The following MGAM2 variants were observed in gnomAD, a reference collection of about 807,000 sequenced individuals.
The protein encoded by MGAM2 is maltase-glucoamylase 2 (putative), also known as probable maltase-glucoamylase 2.
In MGAM2, 98 loss-of-function variants were observed where a neutral mutation model predicts 96.1. That is an observed-to-expected ratio of 1.02 (90% confidence interval 0.87 to 1.21). MGAM2 has a LOEUF of 1.21. Among genes scored for constraint, MGAM2 ranks in the 50% most tolerant of loss-of-function variants. The pLI is 0.00. For missense variants in MGAM2, 2,055 were observed against 1,182.4 expected, an observed-to-expected ratio of 1.74 and a Z score of -10.82; for synonymous variants, 749 against 414.8, an observed-to-expected ratio of 1.81 and a Z score of -9.79.
chr7:142,177,226 A>G (rs934692747), intron 32 of MGAM2, among the ~76,000 whole-genome samples: 4 of 152,208 alleles, frequency 2.6e-5, no homozygotes, highest in African/African-American at 9.6e-5. Context: ...GGTGAAAGGC[A>G]TGTCTCTCAT....
intron 9 of MGAM2, among the ~76,000 whole-genome samples, chr7:142,138,169 T>C (rs1225747636): frequency 6.6e-6 from 1 of 152,232 alleles, no homozygotes; most frequent in African/African-American, 2.4e-5. Flanking sequence ...ATATTAGGCA[T>C]TTATTTATTT....
At chr7:142,118,115 C>T (rs996260840) in intron 2 of MGAM2, among the ~76,000 whole-genome samples, 3 of 152,138 alleles carry the variant, frequency 2.0e-5, no homozygotes, top group African/African-American at 4.8e-5. Flanking sequence ...ATTTCTGGAA[C>T]TTATTCATCT....
intron 19 of MGAM2, 140 bp downstream of exon 19, chr7:142,158,472 AT>A (rs1795799643): frequency 1.7e-6 from 1 of 581,030 alleles, no homozygotes; most frequent in African/African-American, 1.9e-5. Flanking sequence ...AAGTTTAGAA[AT>A]TTTTTAAAAA....
In MGAM2 at chr7:142,221,983, C is replaced by T; in HGVS notation, c.7472C>T (p.Pro2491Leu). The change falls in exon 48 of 48, where the codon CCT (proline) becomes CTT (leucine). Residue 2491 changes from proline to leucine, a missense_variant. Coordinates refer to ENST00000477922, the MANE Select transcript of MGAM2 (RefSeq NM_001293626.2). ...AAATATGCTTTAAATACTACCACTC[C>T]TGATAGTACAGTACATACCTCTGCT... Reference protein sequence around the residue: ...ITKYALNTTTPDSTVHTSATA... With the variant: ...ITKYALNTTTLDSTVHTSATA... The T allele has an allele frequency of 2.5e-6, 1 of 399,288 alleles. No individual in the cohort carries two copies. Among genetic ancestry groups the T allele is most frequent in the Non-Finnish European group, 4.4e-6 (1 of 226,520 alleles). 24.7% of individuals were successfully genotyped at this position (399,288 alleles called of 1,614,324 possible).
At chr7:142,117,997 C>T (rs564082751) in intron 2 of MGAM2, among the ~76,000 whole-genome samples, 1 of 148,252 alleles carries the variant, frequency 6.7e-6, no homozygotes, top group South Asian at 2.1e-4. Flanking sequence ...GCTTTAAAAT[C>T]AATTTGTTTT....
chr7:142,197,024 C>T (rs1181071419), intron 40 of MGAM2, among the ~76,000 whole-genome samples: 2 of 152,112 alleles, frequency 1.3e-5, no homozygotes, highest in East Asian at 1.9e-4. Context: ...AGAATTACTA[C>T]CCATGAGGAA....
chr7:142,127,310 T>C (rs1794757400), intron 3 of MGAM2, among the ~76,000 whole-genome samples: 1 of 152,208 alleles, frequency 6.6e-6, no homozygotes, highest in African/African-American at 2.4e-5. Flanking sequence ...TGAGTGCTGC[T>C]ATCTGAGTCT....
At chr7:142,204,849 A>G (rs899541759) in intron 45 of MGAM2, among the ~76,000 whole-genome samples, 28 of 152,132 alleles carry the variant, frequency 1.8e-4, no homozygotes, top group African/African-American at 6.0e-4. Flanking sequence ...TAAGGCATCC[A>G]AAAGTCAAAA....
intron 32 of MGAM2, among the ~76,000 whole-genome samples, 199 bp downstream of exon 32, chr7:142,175,979 AG>A (rs1419485482): frequency 6.6e-6 from 1 of 151,950 alleles, no homozygotes; most frequent in Admixed American, 6.6e-5. Context: ...AGAAATGAAA[AG>A]GGGCTTTTAA....
At position 142,198,577 on chromosome 7, in the gene MGAM2, T is replaced by C. The variant is rs115896852; in HGVS notation, c.4924-38T>C. 3.2e-3 allele frequency: 2,252 copies of C among 699,880 alleles called. 39 individuals are homozygous for C. The African/African-American group carries it at 0.035, about 11-fold the overall frequency. The allele number at this position is 699,880 out of a possible 1,614,324, so 43.4% of individuals were successfully genotyped here. A position where few individuals can be genotyped will look rare whatever the true frequency, so the allele number is the denominator to read the frequency against. ...AAAACATGCTCTCATTTAATATATT[T>C]ATCTCTCGCCATTTTTTGCCTGTAT... On this transcript the variant is annotated intron_variant, in intron 43 of 47. Transcript: ENST00000477922.
chr7:142,164,884 A>G lies in MGAM2; in HGVS notation c.2513A>G (p.Asn838Ser). ...CATCTACAAGCAAAGATTATAAATA[A>G]TAATTATATGGACACTGACAACCTC... Reference protein sequence around the residue: ...SNHLQAKIINNNYMDTDNLMF... With the variant: ...SNHLQAKIINSNYMDTDNLMF... Residue 838 changes from asparagine (N) to serine (S), a missense_variant, in exon 24 of 48, where the codon AAT becomes AGT. Physicochemically the swap from Asn to Ser is conservative, Grantham distance 46 (BLOSUM62 1). Coordinates refer to ENST00000477922, the MANE Select transcript of MGAM2 (RefSeq NM_001293626.2). The G allele has an allele frequency of 1.4e-6, 1 of 699,914 alleles. No individual in the cohort carries two copies. The highest frequency in any genetic ancestry group is 2.6e-6 in the Non-Finnish European group (1 of 384,034). 43.4% of individuals were successfully genotyped at this position (699,914 alleles called of 1,614,324 possible). A position where few individuals can be genotyped will look rare whatever the true frequency, so the allele number is the denominator to read the frequency against.
intron 8 of MGAM2, among the ~76,000 whole-genome samples, chr7:142,137,041 G>A (rs960538876): frequency 1.3e-5 from 2 of 151,972 alleles, no homozygotes; most frequent in African/African-American, 4.8e-5. Flanking sequence ...TCCTTCTCCA[G>A]CTTCTGGATT....
At position 142,221,791 on chromosome 7, in the gene MGAM2, T is replaced by TTA; in HGVS notation, c.7281_7282dup (p.Thr2428IlefsTer20). The stretch of plus-strand genomic sequence containing the variant: ...ACTGATGCAGATAACTCCAGCAGTG[T>TTA]TACAGGTAACACGACACACATTTCT... On this transcript the variant is annotated frameshift_variant, in exon 48 of 48. Transcript: ENST00000477922. LOFTEE classifies it low-confidence loss of function (END_TRUNC). The TTA allele has an allele frequency of 2.5e-6, 1 of 402,246 alleles. No individual in the cohort carries two copies. The highest frequency in any genetic ancestry group is 4.4e-6 in the Non-Finnish European group (1 of 228,124). 24.9% of individuals were successfully genotyped at this position (402,246 alleles called of 1,614,324 possible).
intron 22 of MGAM2, among the ~76,000 whole-genome samples, chr7:142,161,450 T>C (rs1443985649): frequency 3.9e-5 from 6 of 152,230 alleles, no homozygotes; most frequent in Non-Finnish European, 5.9e-5. Context: ...CTGGCATTAT[T>C]TCATTTAGCT....
At chr7:142,151,859 G>A (rs1795589769) in intron 15 of MGAM2, among the ~76,000 whole-genome samples, 2 of 152,342 alleles carry the variant, frequency 1.3e-5, no homozygotes, top group East Asian at 1.9e-4. Context: ...GTGGAACTTG[G>A]TCTTTGGGCA....
intron 17 of MGAM2, among the ~76,000 whole-genome samples, chr7:142,157,109 C>T (rs550495198): frequency 6.6e-6 from 1 of 152,116 alleles, no homozygotes; most frequent in East Asian, 1.9e-4. Context: ...ACAGATAAAA[C>T]TGGACAAAAA....
chr7:142,205,796 C>CG (rs1261571221), intron 45 of MGAM2, among the ~76,000 whole-genome samples: 2 of 152,124 alleles, frequency 1.3e-5, no homozygotes, highest in East Asian at 3.9e-4. Context: ...TTGATGAAGT[C>CG]TAATTTATCT....
intron 32 of MGAM2, among the ~76,000 whole-genome samples, chr7:142,176,483 A>G (rs535217551): frequency 1.1e-3 from 172 of 152,272 alleles, no homozygotes; most frequent in African/African-American, 3.9e-3. Flanking sequence ...GGGTGCATGC[A>G]TAGTCTAAAT....
At position 142,222,004 on chromosome 7, in the gene MGAM2, C is replaced by T. The variant is rs962779057; in HGVS notation, c.7493C>T (p.Ser2498Phe). 3.5e-5 allele frequency: 14 copies of T among 398,322 alleles called. No homozygotes were observed. In the Admixed American group the frequency reaches 4.4e-4, roughly 13 times the overall value. The allele number at this position is 398,322 out of a possible 1,614,324, so 24.7% of individuals were successfully genotyped here. Residue 2498 changes from serine (S) to phenylalanine (F), a missense_variant, in exon 48 of 48, where the codon TCT becomes TTT. By Grantham distance (155) the Ser-to-Phe change is radical. Coordinates refer to ENST00000477922, the MANE Select transcript of MGAM2 (RefSeq NM_001293626.2). ...TTTPDSTVHT[S>F]ATAPTYIANA... is the part of the protein sequence containing the mutation. Reference sequence around the variant, plus strand: ...ACTCCTGATAGTACAGTACATACCTCTGCTACTGCACCTACTTATATTGCA... The same window carrying T: ...ACTCCTGATAGTACAGTACATACCTTTGCTACTGCACCTACTTATATTGCA...
Sources: allele counts gnomAD v4.1 joint callset (sites outside exome capture counted in the v4.1 genomes callset), GRCh38; gene constraint gnomAD v4.1.1; transcripts MANE v1.5; gene names NCBI Gene and HGNC (gene_info 2026-07-23, HGNC 2026-07-21).